Variants in FAM222A observed in about 807,000 individuals in gnomAD.
The protein encoded by FAM222A is protein FAM222A.
A neutral mutation model predicts 25.8 loss-of-function variants in FAM222A; 7 were observed. The observed-to-expected ratio is 0.27, with a 90% CI of 0.15 to 0.51. The LOEUF (loss-of-function observed/expected upper bound fraction) is 0.51, where lower values mean the gene tolerates loss of function less well. FAM222A is among the 20% of genes least tolerant of loss of function. FAM222A has a pLI of 0.97. For missense variants in FAM222A, 573 were observed against 640.5 expected (o/e 0.89, Z 1.14); for synonymous variants, 294 against 298.8 (o/e 0.98, Z 0.17).
At chr12:109,730,406 CGG>C (rs56107932) in intron 1 of FAM222A, among the ~76,000 whole-genome samples, 1,312 of 119,798 alleles carry the variant, frequency 0.011, 24 homozygotes, top group African/African-American at 0.028. Flanking sequence ...GCCTGGGGGG[CGG>C]GGGGGGGGGT....
At chr12:109,765,913 C>T (rs563875040) in intron 2 of FAM222A, among the ~76,000 whole-genome samples, 134 of 152,302 alleles carry the variant, frequency 8.8e-4, no homozygotes, top group African/African-American at 3.0e-3. Flanking sequence ...CTTTTGTTAA[C>T]GCCATCTACC....
At chr12:109,732,912 G>C (rs140318914) in intron 1 of FAM222A, among the ~76,000 whole-genome samples, 1 of 152,238 alleles carries the variant, frequency 6.6e-6, no homozygotes, top group African/African-American at 2.4e-5. Flanking sequence ...CAGTAGAACC[G>C]GCACTCCAGT....
At chr12:109,736,662 GGGCCT>G (rs1257505603) in intron 1 of FAM222A, among the ~76,000 whole-genome samples, 2 of 152,178 alleles carry the variant, frequency 1.3e-5, no homozygotes, top group African/African-American at 4.8e-5. Context: ...ATCTAGCACA[GGGCCT>G]GGCCTGGCAC....
chr12:109,744,331 T>G, intron 2 of FAM222A, 103 bp downstream of exon 2: 1 of 1,468,446 alleles, frequency 6.8e-7, no homozygotes, highest in Non-Finnish European at 9.0e-7. Context: ...GGAAAGTCTC[T>G]ATGCTCTCTT....
chr12:109,728,234 T>C (rs918141987), intron 1 of FAM222A, among the ~76,000 whole-genome samples: 2 of 152,120 alleles, frequency 1.3e-5, no homozygotes, highest in African/African-American at 4.8e-5. Context: ...AGCATAATCA[T>C]GCACCAGGGA....
chr12:109,743,315 G>A (rs1297262810), intron 1 of FAM222A, among the ~76,000 whole-genome samples: 2 of 152,210 alleles, frequency 1.3e-5, no homozygotes, highest in African/African-American at 4.8e-5. Context: ...TGGGTTTGGG[G>A]AAGCTGAAGG....
intron 2 of FAM222A, among the ~76,000 whole-genome samples, chr12:109,744,982 A>G (rs1172718173): frequency 6.6e-6 from 1 of 152,050 alleles, no homozygotes. Flanking sequence ...ATAGCCCAGG[A>G]TCCGTTGCCA....
intron 2 of FAM222A, among the ~76,000 whole-genome samples, chr12:109,765,504 G>A (rs1009419018): frequency 1.3e-5 from 2 of 152,212 alleles, no homozygotes; most frequent in Admixed American, 1.3e-4. Flanking sequence ...CTGCCTCAGG[G>A]CCTTTGCCTG....
chr12:109,769,395 TG>T lies in FAM222A; in HGVS notation c.*108del. The stretch of plus-strand genomic sequence containing the variant: ...GGGGCGCTCAGCCCCACCCTGTGCC[TG>T]CTGATGCCCACAGGGGAGCCAGGCT... On this transcript the variant is annotated 3_prime_UTR_variant, in exon 3 of 3. Coordinates refer to ENST00000538780, the MANE Select transcript of FAM222A (RefSeq NM_032829.3). 1 of 1,340,336 alleles carries T rather than the reference TG, an allele frequency of 7.5e-7. No homozygotes were observed. Among genetic ancestry groups the T allele is most frequent in the Admixed American group, 2.6e-5 (1 of 37,954 alleles). The allele number at this position is 1,340,336 out of a possible 1,614,324, so 83.0% of individuals were successfully genotyped here. A position where few individuals can be genotyped will look rare whatever the true frequency, so the allele number is the denominator to read the frequency against.
intron 2 of FAM222A, chr12:109,744,536 A>G: frequency 2.0e-6 from 2 of 985,360 alleles, no homozygotes; most frequent in Non-Finnish European, 2.4e-6. Flanking sequence ...TTATCTAGCC[A>G]TGTGTGTCTC....
chr12:109,740,903 G>C (rs372178989), intron 1 of FAM222A, among the ~76,000 whole-genome samples: 1 of 152,212 alleles, frequency 6.6e-6, no homozygotes, highest in African/African-American at 2.4e-5. Flanking sequence ...AGGGTCTGAA[G>C]ACAGATCTGA....
rs1003340273 is a variant in FAM222A at position 109,720,158 on chromosome 12, G to C, written c.-47+5261G>C. On this transcript the variant is annotated intron_variant, in intron 1 of 2. Coordinates refer to ENST00000538780, the MANE Select transcript of FAM222A (RefSeq NM_032829.3). ...TGGGCCAGTCCTGGCCCCACAGCAA[G>C]CCAGCATCCCAGCCGCAGCAGCTGT... 9 of 985,474 alleles carry C rather than the reference G, an allele frequency of 9.1e-6. No homozygotes were observed. In the African/African-American group the frequency reaches 1.6e-4, roughly 17 times the overall value. 61.0% of individuals were successfully genotyped at this position (985,474 alleles called of 1,614,324 possible). A position where few individuals can be genotyped will look rare whatever the true frequency, so the allele number is the denominator to read the frequency against.
chr12:109,718,843 G>A (rs1487501205), intron 1 of FAM222A, among the ~76,000 whole-genome samples: 1 of 152,268 alleles, frequency 6.6e-6, no homozygotes, highest in Admixed American at 6.5e-5. Flanking sequence ...GTCTGCACGG[G>A]CTGGGTGTAG....
chr12:109,768,090 C>T lies in FAM222A; in HGVS notation c.161C>T (p.Ala54Val). The T allele has an allele frequency of 6.2e-7, 1 of 1,613,954 alleles. No homozygotes were observed. The highest frequency in any genetic ancestry group is 1.1e-5 in the South Asian group (1 of 91,078). Residue 54 changes from alanine to valine, a missense_variant, in exon 3 of 3, where the codon GCC (alanine) becomes GTC (valine). By Grantham distance (64) the Ala-to-Val change is moderately conservative. Transcript: ENST00000538780. ...AELDAYAEKVANSPLSIKIFP... is the reference protein window; with the variant it reads ...AELDAYAEKVVNSPLSIKIFP... ...CTGGACGCCTATGCCGAGAAGGTGG[C>T]CAACAGCCCGCTGTCCATCAAGATC... is the stretch of plus-strand genomic sequence containing the variant.
At position 109,769,478 on chromosome 12, in the gene FAM222A, G is replaced by GCC; in HGVS notation, c.*193_*194dup. 1.5e-6 allele frequency: 1 copy of GCC among 674,824 alleles called. No homozygotes were observed. Among genetic ancestry groups the GCC allele is most frequent in the Non-Finnish European group, 2.5e-6 (1 of 406,674 alleles). 41.8% of individuals were successfully genotyped at this position (674,824 alleles called of 1,614,324 possible). ...TGGCAGGGCAACCTCACATACCAAG[G>GCC]CCCCTCCCCACCATCGGTTGCCCCA... is the stretch of plus-strand genomic sequence containing the variant. On this transcript the variant is annotated 3_prime_UTR_variant, in exon 3 of 3. Coordinates refer to ENST00000538780, the MANE Select transcript of FAM222A (RefSeq NM_032829.3).
At chr12:109,743,652 C>G (rs567959388) in intron 1 of FAM222A, among the ~76,000 whole-genome samples, 1 of 152,202 alleles carries the variant, frequency 6.6e-6, no homozygotes, top group Non-Finnish European at 1.5e-5. Flanking sequence ...CACCCATGTA[C>G]CCACTGGCAT....
chr12:109,732,993 G>A (rs1291410353), intron 1 of FAM222A, among the ~76,000 whole-genome samples: 3 of 152,170 alleles, frequency 2.0e-5, no homozygotes, highest in African/African-American at 7.2e-5. Context: ...GAACTGCTGT[G>A]GTGATGGGAC....
chr12:109,769,268 C>G lies in FAM222A; in HGVS notation c.1339C>G (p.Arg447Gly). 1.9e-6 allele frequency: 3 copies of G among 1,610,588 alleles called. No homozygotes were observed. The East Asian group carries it at 6.7e-5, about 36-fold the overall frequency. ...ACTCGACCACCAGCATGCCCACATC[C>G]GCCTACCCGTCTACAGATAAGGCCT... The part of the protein sequence containing the change: ...RLLDHQHAHI[R>G]LPVYR Residue 447 changes from arginine to glycine, a missense_variant, in exon 3 of 3, where the codon CGC becomes GGC. Arg to Gly is a moderately radical substitution (Grantham distance 125). Coordinates refer to ENST00000538780, the MANE Select transcript of FAM222A (RefSeq NM_032829.3).
intron 1 of FAM222A, among the ~76,000 whole-genome samples, chr12:109,718,007 T>C (rs1271758494): frequency 6.6e-6 from 1 of 152,188 alleles, no homozygotes; most frequent in Non-Finnish European, 1.5e-5. Context: ...TTGCAGGCTG[T>C]GTGACCTCGG....
Sources: allele counts gnomAD v4.1 joint callset (sites outside exome capture counted in the v4.1 genomes callset), GRCh38; gene constraint gnomAD v4.1.1; transcripts MANE v1.5; gene names NCBI Gene and HGNC (gene_info 2026-07-23, HGNC 2026-07-21).